CYSTM1: variants seen among roughly 807,000 people sequenced by gnomAD.
CYSTM1 encodes the protein cysteine-rich transmembrane module-containing protein 1.
Under a neutral mutation model 13.1 loss-of-function variants are expected in CYSTM1, and 4 were observed. That is an observed-to-expected ratio of 0.31 (90% CI 0.15 to 0.70). The LOEUF is 0.70. CYSTM1 is among the 30% of genes least tolerant of loss of function. CYSTM1 has a pLI of 0.72. For synonymous variants in CYSTM1, 36 were observed against 42.7 expected (o/e 0.84, Z 0.62); for missense variants, 96 against 121.6 (o/e 0.79, Z 0.99).
chr5:140,194,659 G>A lies in CYSTM1; in HGVS notation c.187+7G>A, dbSNP rs1421839671. ...GAGCCTCCTAAAACCACAGGTGTGT[G>A]TCTCTGAATATGTGGGTGTGCAGTC... On this transcript the variant is annotated splice_region_variant and intron_variant, in intron 2 of 2. Coordinates refer to ENST00000261811, the MANE Select transcript of CYSTM1 (RefSeq NM_032412.4). 2 of 1,607,166 alleles carry A rather than the reference G, an allele frequency of 1.2e-6. No homozygotes were observed. Among genetic ancestry groups the A allele is most frequent in the African/African-American group, 2.7e-5 (2 of 74,514 alleles).
At chr5:140,199,583 G>A (rs138770541) in intron 2 of CYSTM1, among the ~76,000 whole-genome samples, 191 of 152,210 alleles carry the variant, frequency 1.3e-3, no homozygotes, top group African/African-American at 4.1e-3. Flanking sequence ...CTCCACCTCC[G>A]GGGTTCAAGC....
intron 2 of CYSTM1, among the ~76,000 whole-genome samples, chr5:140,232,459 G>C (rs1764628045): frequency 3.9e-5 from 6 of 152,342 alleles, no homozygotes; most frequent in African/African-American, 1.4e-4. Context: ...CTGCAAAGGA[G>C]TCAGAGAGAG....
chr5:140,188,314 C>A (rs1764046840), intron 1 of CYSTM1, among the ~76,000 whole-genome samples: 1 of 152,028 alleles, frequency 6.6e-6, no homozygotes, highest in Non-Finnish European at 1.5e-5. Flanking sequence ...TCTTGAACTC[C>A]TGGCCTCAAG....
chr5:140,181,741 C>T (rs538275003), intron 1 of CYSTM1, among the ~76,000 whole-genome samples: 3 of 152,218 alleles, frequency 2.0e-5, no homozygotes, highest in Non-Finnish European at 4.4e-5. Flanking sequence ...GCTGCATGAG[C>T]CACTGCACCT....
intron 2 of CYSTM1, among the ~76,000 whole-genome samples, chr5:140,232,213 T>C (rs946005127): frequency 6.6e-6 from 1 of 152,044 alleles, no homozygotes; most frequent in South Asian, 2.1e-4. Flanking sequence ...ACAAACTGAG[T>C]TAGTTTGAGG....
In CYSTM1 at chr5:140,243,496, T is replaced by A; in HGVS notation, c.*85T>A. 1 of 1,145,560 alleles carries A rather than the reference T, an allele frequency of 8.7e-7. No individual in the cohort carries two copies. The highest frequency in any genetic ancestry group is 1.5e-5 in the African/African-American group (1 of 65,258). 71.0% of individuals were successfully genotyped at this position (1,145,560 alleles called of 1,614,324 possible). On this transcript the variant is annotated 3_prime_UTR_variant, in exon 3 of 3. Transcript: ENST00000261811. The stretch of plus-strand genomic sequence containing the variant: ...TGCCCCCATCTCTTCTGATTGCTGT[T>A]AACAAATGACTAGCTTTGCACAGAC...
intron 2 of CYSTM1, among the ~76,000 whole-genome samples, chr5:140,214,799 T>C (rs1003689109): frequency 6.6e-6 from 1 of 152,192 alleles, no homozygotes; most frequent in African/African-American, 2.4e-5. Flanking sequence ...CTTAGAAGGA[T>C]TGGAGCTAAC....
intron 1 of CYSTM1, among the ~76,000 whole-genome samples, chr5:140,191,499 AACTGC>A (rs941306705): frequency 2.0e-5 from 3 of 152,194 alleles, no homozygotes; most frequent in Non-Finnish European, 4.4e-5. Flanking sequence ...TCAGGGAGAG[AACTGC>A]ACAGGATAAT....
At chr5:140,227,568 G>A (rs1167011096) in intron 2 of CYSTM1, among the ~76,000 whole-genome samples, 2 of 152,136 alleles carry the variant, frequency 1.3e-5, no homozygotes, top group African/African-American at 4.8e-5. Flanking sequence ...GCTATAAGAG[G>A]AGCATGGTTG....
chr5:140,233,113 T>C (rs573479892), intron 2 of CYSTM1, among the ~76,000 whole-genome samples: 11 of 152,296 alleles, frequency 7.2e-5, no homozygotes, highest in African/African-American at 2.6e-4. Flanking sequence ...TACTATAGAA[T>C]TGCTGTGGTT....
At chr5:140,193,770 GT>G (rs377694187) in intron 1 of CYSTM1, among the ~76,000 whole-genome samples, 38 of 152,306 alleles carry the variant, frequency 2.5e-4, no homozygotes, top group African/African-American at 7.2e-4. Flanking sequence ...ACAAATAAAT[GT>G]TCCTGGTGAG....
chr5:140,234,452 A>AT, intron 2 of CYSTM1, among the ~76,000 whole-genome samples: 1 of 152,134 alleles, frequency 6.6e-6, no homozygotes, highest in African/African-American at 2.4e-5. Flanking sequence ...TCCTGTTGGG[A>AT]TTTTTATTGA....
chr5:140,210,495 A>C (rs1379448689), intron 2 of CYSTM1, among the ~76,000 whole-genome samples: 1 of 148,888 alleles, frequency 6.7e-6, no homozygotes, highest in African/African-American at 2.5e-5. Context: ...ATAGAGTCTT[A>C]ATTTAAGAAA....
chr5:140,184,851 C>G (rs1426424398), intron 1 of CYSTM1, among the ~76,000 whole-genome samples: 3 of 152,144 alleles, frequency 2.0e-5, no homozygotes, highest in African/African-American at 7.2e-5. Flanking sequence ...TAAAATGTAC[C>G]TACCAAGTTT....
intron 2 of CYSTM1, among the ~76,000 whole-genome samples, chr5:140,228,211 G>T (rs965552792): frequency 2.0e-5 from 3 of 152,118 alleles, no homozygotes; most frequent in Non-Finnish European, 4.4e-5. Flanking sequence ...AAATTTTCTG[G>T]GTTGCAGTTG....
At chr5:140,176,402 T>TGTAC (rs1763884503) in intron 1 of CYSTM1, among the ~76,000 whole-genome samples, 1 of 152,242 alleles carries the variant, frequency 6.6e-6, no homozygotes, top group Non-Finnish European at 1.5e-5. Flanking sequence ...TTTATAGATT[T>TGTAC]ATACAATATG....
In CYSTM1 at chr5:140,175,756, G is replaced by T. The variant is rs1283130783; in HGVS notation, c.-21+471G>T. Among the ~76,000 whole-genome samples, 1 of 152,366 alleles carries T rather than the reference G, an allele frequency of 6.6e-6. No individual in the cohort carries two copies. The highest frequency in any genetic ancestry group is 1.9e-4 in the East Asian group (1 of 5,180). ...GTCGCGAGTCCCGCGGGTGGGAGCGGAGCGGAAGTAACTAGTGACTGGAAG... is the reference window on the plus strand; with the variant it reads ...GTCGCGAGTCCCGCGGGTGGGAGCGTAGCGGAAGTAACTAGTGACTGGAAG... On this transcript the variant is annotated intron_variant, in intron 1 of 2. Transcript: ENST00000261811. This position sits in a 1 kb window ranked among gnomAD's most constrained non-coding sequence, Gnocchi z 4.9.
At chr5:140,204,597 C>T (rs991881731) in intron 2 of CYSTM1, among the ~76,000 whole-genome samples, 1 of 151,916 alleles carries the variant, frequency 6.6e-6, no homozygotes, top group African/African-American at 2.4e-5. Context: ...TCCTGGTAGA[C>T]AGAGGTAAAG....
At chr5:140,179,039 G>A (rs112818918) in intron 1 of CYSTM1, among the ~76,000 whole-genome samples, 5 of 152,066 alleles carry the variant, frequency 3.3e-5, no homozygotes, top group African/African-American at 7.2e-5. Context: ...CAAGAGGATC[G>A]CTTGAGCCCA....
Sources: gnomAD v4.1 joint callset for allele counts (sites outside exome capture counted in the v4.1 genomes callset) on GRCh38, gnomAD v4.1.1 for gene constraint, Gnocchi (gnomAD v3.1) non-coding constraint, MANE v1.5 for transcripts, NCBI Gene and HGNC (gene_info 2026-07-23, HGNC 2026-07-21) for gene names.